The following PPP3CA variants were observed in gnomAD, a reference collection of about 807,000 sequenced individuals.
PPP3CA encodes the protein protein phosphatase 3 catalytic subunit alpha.
In PPP3CA, 14 loss-of-function variants were observed where a neutral mutation model predicts 66.5. That is an observed-to-expected ratio of 0.21 (90% CI 0.14 to 0.33). The LOEUF (loss-of-function observed/expected upper bound fraction) is 0.33, where lower values mean the gene tolerates loss of function less well. Ranked by LOEUF, PPP3CA falls within the 10% of genes least tolerant of loss-of-function variation. The pLI is 1.00. For synonymous variants in PPP3CA, 232 were observed against 226.2 expected (o/e 1.03, Z -0.23); for missense variants, 317 against 639.5 (o/e 0.50, Z 5.44).
At chr4:101,333,067 T>A (rs911352300) in intron 1 of PPP3CA, among the ~76,000 whole-genome samples, 13 of 151,384 alleles carry the variant, frequency 8.6e-5, no homozygotes, top group Non-Finnish European at 1.3e-4. Flanking sequence ...TGAGTTACAA[T>A]AGCTGCAGAA....
At chr4:101,058,418 T>C (rs1004212437) in intron 10 of PPP3CA, among the ~76,000 whole-genome samples, 3 of 152,152 alleles carry the variant, frequency 2.0e-5, no homozygotes, top group Admixed American at 2.0e-4. Flanking sequence ...AAAGCTCATC[T>C]TTTCTAGCTG....
At chr4:101,337,452 G>A (rs922458184) in intron 1 of PPP3CA, among the ~76,000 whole-genome samples, 2 of 152,112 alleles carry the variant, frequency 1.3e-5, no homozygotes, top group South Asian at 2.1e-4. Context: ...TAACACATCC[G>A]TTTCTGGAAG....
chr4:101,053,125 C>A (rs1728081365), intron 10 of PPP3CA, among the ~76,000 whole-genome samples: 1 of 151,942 alleles, frequency 6.6e-6, no homozygotes, highest in Non-Finnish European at 1.5e-5. Context: ...AATGAATACA[C>A]AGAAATAAAA....
At chr4:101,115,831 G>A (rs897685886) in intron 2 of PPP3CA, among the ~76,000 whole-genome samples, 2 of 151,652 alleles carry the variant, frequency 1.3e-5, no homozygotes, top group Non-Finnish European at 2.9e-5. Flanking sequence ...AACATCATTG[G>A]GTCAACTTGT....
intron 1 of PPP3CA, among the ~76,000 whole-genome samples, chr4:101,276,977 GCTAGGACCTGATATTTTCAAAATA>G (rs1727514451): frequency 7.9e-6 from 1 of 126,142 alleles, no homozygotes; most frequent in South Asian, 2.5e-4. Flanking sequence ...CAGCATTATG[GCTAGGACCTGATATTTTCAAAATA>G]TTAGGACCTG....
At chr4:101,291,078 G>C (rs1427837284) in intron 1 of PPP3CA, among the ~76,000 whole-genome samples, 2 of 152,168 alleles carry the variant, frequency 1.3e-5, no homozygotes, top group African/African-American at 4.8e-5. Context: ...AACCAGGATT[G>C]TTTACATTAT....
chr4:101,171,365 A>AAG (rs1723873402), intron 2 of PPP3CA: 3 of 352,000 alleles, frequency 8.5e-6, no homozygotes, highest in Non-Finnish European at 1.1e-5. Context: ...AAAAAAAAAA[A>AAG]CCCTTCAAAG....
At chr4:101,226,670 A>T (rs1244596425) in intron 1 of PPP3CA, among the ~76,000 whole-genome samples, 1 of 151,676 alleles carries the variant, frequency 6.6e-6, no homozygotes, top group Non-Finnish European at 1.5e-5. Context: ...CATCCTTTAC[A>T]AGTAACATTT....
intron 1 of PPP3CA, among the ~76,000 whole-genome samples, chr4:101,290,046 C>T (rs1258947552): frequency 6.6e-6 from 1 of 152,108 alleles, no homozygotes; most frequent in African/African-American, 2.4e-5. Flanking sequence ...GTAATGAAGA[C>T]TGTGTGACAC....
chr4:101,243,392 G>C (rs936059701), intron 1 of PPP3CA, among the ~76,000 whole-genome samples: 1 of 152,066 alleles, frequency 6.6e-6, no homozygotes, highest in African/African-American at 2.4e-5. Context: ...TTACAGACTG[G>C]GGCTGTGGAA....
intron 2 of PPP3CA, among the ~76,000 whole-genome samples, chr4:101,135,778 A>C (rs1722602886): frequency 6.6e-6 from 1 of 152,308 alleles, no homozygotes; most frequent in South Asian, 2.1e-4. Context: ...CAAAGTGTGA[A>C]ACACCAAGTC....
At chr4:101,332,352 G>A (rs1409080057) in intron 1 of PPP3CA, among the ~76,000 whole-genome samples, 1 of 152,150 alleles carries the variant, frequency 6.6e-6, no homozygotes, top group Non-Finnish European at 1.5e-5. Flanking sequence ...CAACATTTAG[G>A]ATTCAGTCAA....
intron 1 of PPP3CA, among the ~76,000 whole-genome samples, chr4:101,275,517 G>T (rs753140459): frequency 3.9e-5 from 6 of 152,092 alleles, no homozygotes; most frequent in Non-Finnish European, 8.8e-5. Context: ...TACTACTACC[G>T]AGCAGAAATC....
Position 101,099,598 on chromosome 4 carries a change from G to A in PPP3CA, c.496+13C>T. 1 of 1,468,054 alleles carries A rather than the reference G, an allele frequency of 6.8e-7. No homozygotes were observed. Among genetic ancestry groups the A allele is most frequent in the Non-Finnish European group, 9.4e-7 (1 of 1,062,954 alleles). The allele number at this position is 1,468,054 out of a possible 1,614,324, so 90.9% of individuals were successfully genotyped here. A position where few individuals can be genotyped will look rare whatever the true frequency, so the allele number is the denominator to read the frequency against. On this transcript the variant is annotated intron_variant, in intron 4 of 13. Transcript: ENST00000394854. Reference sequence around the variant, plus strand: ...CATATAGTGTTAAAGGAAGGAGGTTGAAGTATACTTACATTCTTGTTTAAA... The same window carrying A: ...CATATAGTGTTAAAGGAAGGAGGTTAAAGTATACTTACATTCTTGTTTAAA...
chr4:101,198,917 A>G (rs999919699), intron 1 of PPP3CA, among the ~76,000 whole-genome samples: 1 of 152,164 alleles, frequency 6.6e-6, no homozygotes, highest in Non-Finnish European at 1.5e-5. Context: ...GAAAAAGGCC[A>G]ATCAGAGGGC....
intron 1 of PPP3CA, among the ~76,000 whole-genome samples, chr4:101,266,567 T>C (rs1164383424): frequency 6.6e-6 from 1 of 152,144 alleles, no homozygotes; most frequent in East Asian, 1.9e-4. Context: ...TAAAAACCTA[T>C]AATTAAAGAT....
chr4:101,085,835 T>G (rs189799032), intron 6 of PPP3CA, among the ~76,000 whole-genome samples: 3 of 143,870 alleles, frequency 2.1e-5, no homozygotes, highest in Non-Finnish European at 3.1e-5. Flanking sequence ...ACTGCGTATA[T>G]ACACACACAC....
At chr4:101,187,886 A>G (rs1000261282) in intron 2 of PPP3CA, among the ~76,000 whole-genome samples, 42 of 152,180 alleles carry the variant, frequency 2.8e-4, no homozygotes, top group African/African-American at 1.0e-3. Flanking sequence ...CAAAGCAAAC[A>G]TGCATATTAC....
At chr4:101,320,167 A>T (rs1031706706) in intron 1 of PPP3CA, among the ~76,000 whole-genome samples, 3 of 150,868 alleles carry the variant, frequency 2.0e-5, no homozygotes, top group Non-Finnish European at 3.0e-5. Context: ...ACATGTACTC[A>T]CACACACACA....
Sources: gnomAD v4.1 joint callset for allele counts (sites outside exome capture counted in the v4.1 genomes callset) on GRCh38, gnomAD v4.1.1 for gene constraint, MANE v1.5 for transcripts, NCBI Gene and HGNC (gene_info 2026-07-23, HGNC 2026-07-21) for gene names.